The following PCDHA11 variants were observed in gnomAD, a reference collection of about 807,000 sequenced individuals.
PCDHA11 encodes protocadherin alpha 11.
Under a neutral mutation model 70.3 loss-of-function variants are expected in PCDHA11, and 61 were observed. The observed-to-expected ratio is 0.87, with a 90% CI of 0.71 to 1.07. The LOEUF (loss-of-function observed/expected upper bound fraction) is 1.07, where lower values mean the gene tolerates loss of function less well. PCDHA11 is among the 50% of genes least tolerant of loss of function. The pLI is 0.00. For synonymous variants in PCDHA11, 633 were observed against 555.1 expected (o/e 1.14, Z -1.97); for missense variants, 1,324 against 1,237.5 (o/e 1.07, Z -1.05).
intron 1 of PCDHA11, among the ~76,000 whole-genome samples, chr5:140,909,668 CA>C (rs1554193872): frequency 6.6e-6 from 1 of 152,162 alleles, no homozygotes; most frequent in Non-Finnish European, 1.5e-5. Context: ...CTCACTCTAC[CA>C]GTCAGGGAGC....
intron 1 of PCDHA11, chr5:140,877,038 G>T (rs782221827): frequency 2.5e-6 from 4 of 1,612,418 alleles, no homozygotes; most frequent in East Asian, 2.2e-5. Flanking sequence ...CGCTGCAGCC[G>T]CTAGACCACG....
chr5:140,959,795 T>G (rs2095511248), intron 1 of PCDHA11, among the ~76,000 whole-genome samples: 1 of 152,180 alleles, frequency 6.6e-6, no homozygotes, highest in Non-Finnish European at 1.5e-5. Flanking sequence ...CATGGCTAAT[T>G]TAGAGGATTT....
intron 1 of PCDHA11, among the ~76,000 whole-genome samples, chr5:140,973,273 C>T (rs1180418925): frequency 6.6e-6 from 1 of 152,150 alleles, no homozygotes; most frequent in Non-Finnish European, 1.5e-5. Context: ...ACTTTTATTT[C>T]CCCCAGCACT....
intron 2 of PCDHA11, among the ~76,000 whole-genome samples, chr5:140,981,835 T>C (rs991736759): frequency 6.6e-6 from 1 of 152,162 alleles, no homozygotes; most frequent in Non-Finnish European, 1.5e-5. Context: ...TCTAAAGGTC[T>C]CCCAGTTTGT....
chr5:140,974,945 A>G (rs2096646889), intron 1 of PCDHA11, among the ~76,000 whole-genome samples: 1 of 152,180 alleles, frequency 6.6e-6, no homozygotes, highest in African/African-American at 2.4e-5. Flanking sequence ...CCTATTTGTT[A>G]TCTCACAGTC....
chr5:140,896,137 G>A (rs547993953), intron 1 of PCDHA11, among the ~76,000 whole-genome samples: 16 of 152,260 alleles, frequency 1.1e-4, no homozygotes, highest in African/African-American at 3.1e-4. Flanking sequence ...TTTATCCAGT[G>A]CACCATTGAT....
intron 1 of PCDHA11, chr5:140,883,880 C>A: frequency 6.2e-7 from 1 of 1,613,304 alleles, no homozygotes. Context: ...GGTGAGCGCG[C>A]GCGACTCTGG....
chr5:140,877,288 T>G (rs782747810), intron 1 of PCDHA11: 3 of 1,613,908 alleles, frequency 1.9e-6, no homozygotes, highest in East Asian at 4.5e-5. Flanking sequence ...CTATAACGCT[T>G]GGCTGTCCTA....
intron 1 of PCDHA11, among the ~76,000 whole-genome samples, chr5:140,959,857 T>G (rs1287315295): frequency 1.3e-5 from 2 of 152,204 alleles, no homozygotes; most frequent in African/African-American, 2.4e-5. Flanking sequence ...AAAGGAATTA[T>G]GTAGCAAAAT....
At chr5:140,947,996 T>C (rs185303145) in intron 1 of PCDHA11, among the ~76,000 whole-genome samples, 1 of 126,772 alleles carries the variant, frequency 7.9e-6, no homozygotes, top group Non-Finnish European at 1.7e-5. Context: ...CCAAATACTT[T>C]ATTAAATTTA....
chr5:140,981,985 G>C (rs1554243637), intron 2 of PCDHA11, among the ~76,000 whole-genome samples: 1 of 152,162 alleles, frequency 6.6e-6, no homozygotes, highest in Non-Finnish European at 1.5e-5. Context: ...GAGTAAAATA[G>C]AAAATAAGGT....
At chr5:141,000,415 A>AT (rs1563651650) in intron 3 of PCDHA11, among the ~76,000 whole-genome samples, 6 of 87,394 alleles carry the variant, frequency 6.9e-5, no homozygotes, top group African/African-American at 1.5e-4. Flanking sequence ...ATATATATAT[A>AT]TATATATTTT....
chr5:140,875,803 G>C (rs370212231), intron 1 of PCDHA11: 17 of 1,614,218 alleles, frequency 1.1e-5, no homozygotes, highest in Non-Finnish European at 1.4e-5. Context: ...GGTGATCGTG[G>C]ACAGGCCGCT....
Position 141,000,578 on chromosome 5 carries a change from C to T in PCDHA11, c.2540-9049C>T, listed in dbSNP as rs191579983. On this transcript the variant is annotated intron_variant, in intron 3 of 3. Coordinates refer to ENST00000398640, the MANE Select transcript of PCDHA11 (RefSeq NM_018902.5). ...GAGTAGCTGGGATTACAGGTGCCTG[C>T]CACCATGCCCAGCTAATTTTTGTAT... Among the ~76,000 whole-genome samples the T allele has an allele frequency of 3.1e-3, 460 of 150,716 alleles. 6 individuals carry two copies. Among genetic ancestry groups the T allele is most frequent in the Middle Eastern group, 0.01 (3 of 290 alleles).
In PCDHA11 at chr5:141,011,697, T is replaced by A. The variant is rs1187125634; in HGVS notation, c.*1760T>A. ...TTTTGTTCTAGTAACAATTTTGGAATGAATACTGACAATATTCCATGAGGG... is the reference window on the plus strand; with the variant it reads ...TTTTGTTCTAGTAACAATTTTGGAAAGAATACTGACAATATTCCATGAGGG... On this transcript the variant is annotated 3_prime_UTR_variant, in exon 4 of 4. Transcript: ENST00000398640. 2 of 153,778 alleles carry A rather than the reference T, an allele frequency of 1.3e-5. No homozygotes were observed. Among genetic ancestry groups the A allele is most frequent in the Non-Finnish European group, 2.9e-5 (2 of 68,036 alleles). The allele number at this position is 153,778 out of a possible 1,614,324, so 9.5% of individuals were successfully genotyped here.
At chr5:140,871,852 T>A (rs767921370) in intron 1 of PCDHA11, among the ~76,000 whole-genome samples, 12 of 152,354 alleles carry the variant, frequency 7.9e-5, no homozygotes, top group African/African-American at 2.4e-4. Flanking sequence ...ATTATGACCA[T>A]AATAACTATG....
chr5:140,908,142 A>T (rs1371459142), intron 1 of PCDHA11, among the ~76,000 whole-genome samples: 1 of 152,158 alleles, frequency 6.6e-6, no homozygotes, highest in East Asian at 1.9e-4. Context: ...TCCTTCAGGT[A>T]TGTCCTAGGA....
chr5:140,879,425 T>G (rs547741272), intron 1 of PCDHA11, among the ~76,000 whole-genome samples: 1 of 152,320 alleles, frequency 6.6e-6, no homozygotes, highest in East Asian at 1.9e-4. Flanking sequence ...GGAATGGAGA[T>G]GAACATTTAA....
intron 1 of PCDHA11, among the ~76,000 whole-genome samples, chr5:140,960,522 T>C (rs1261145307): frequency 6.6e-6 from 1 of 152,090 alleles, no homozygotes; most frequent in African/African-American, 2.4e-5. Flanking sequence ...ATAATGGGTA[T>C]AGGAAAGAGA....
Sources: gnomAD v4.1 joint callset for allele counts (sites outside exome capture counted in the v4.1 genomes callset) on GRCh38, gnomAD v4.1.1 for gene constraint, MANE v1.5 for transcripts, NCBI Gene and HGNC (gene_info 2026-07-23, HGNC 2026-07-21) for gene names.